Variants in EXOC4 observed in about 807,000 individuals in gnomAD.
EXOC4 encodes SEC8-like 1.
Under a neutral mutation model 107.2 loss-of-function variants are expected in EXOC4, and 71 were observed. The observed-to-expected ratio is 0.66, with a 90% CI of 0.55 to 0.81. EXOC4 has a LOEUF of 0.81. Among genes scored for constraint, EXOC4 ranks in the 30% least tolerant of loss-of-function variants. The probability of loss-of-function intolerance (pLI) is 0.00; values close to 1 mark genes in which losing one functional copy is unlikely to be tolerated. For synonymous variants in EXOC4, 456 were observed against 441.2 expected (o/e 1.03, Z -0.42); for missense variants, 1,108 against 1,189.6 (o/e 0.93, Z 1.01).
intron 5 of EXOC4, among the ~76,000 whole-genome samples, chr7:133,351,211 C>A (rs531133049): frequency 6.6e-6 from 1 of 152,126 alleles, no homozygotes; most frequent in South Asian, 2.1e-4. Flanking sequence ...CAGGGCAATG[C>A]TGGCCTCATA....
intron 9 of EXOC4, among the ~76,000 whole-genome samples, chr7:133,579,986 C>T (rs539845997): frequency 4.6e-5 from 7 of 152,180 alleles, no homozygotes; most frequent in Admixed American, 6.5e-5. Flanking sequence ...TGAGCCACTG[C>T]GCCCGGCCCA....
chr7:134,031,972 A>G (rs1440825791), intron 17 of EXOC4, among the ~76,000 whole-genome samples: 1 of 152,196 alleles, frequency 6.6e-6, no homozygotes, highest in East Asian at 1.9e-4. Context: ...GAGATTGTAA[A>G]TCATGACTCT....
At chr7:134,076,369 T>C in the EXOC4 span, among the ~76,000 whole-genome samples, 1 of 152,008 alleles carries the variant, frequency 6.6e-6, no homozygotes, top group South Asian at 2.1e-4. Flanking sequence ...TACAGAAAAA[T>C]TAGCTGGGCG....
At chr7:133,722,775 G>A (rs1795131684) in intron 10 of EXOC4, among the ~76,000 whole-genome samples, 2 of 152,094 alleles carry the variant, frequency 1.3e-5, no homozygotes, top group African/African-American at 4.8e-5. Context: ...ACTCCAAACT[G>A]CCCTAAATTG....
At chr7:133,343,514 C>T (rs1184468450) in intron 5 of EXOC4, among the ~76,000 whole-genome samples, 5 of 151,840 alleles carry the variant, frequency 3.3e-5, no homozygotes, top group Admixed American at 1.3e-4. Flanking sequence ...TGGGCTCAAG[C>T]GATCATCCCA....
chr7:133,694,019 A>C lies in EXOC4; in HGVS notation c.1514+63878A>C, dbSNP rs564064269. ...GGTGGCTCATGCCTGTAATCCCAGC[A>C]CTTTGGGAGGCCAAGGTGGGCGGAT... On this transcript the variant is annotated intron_variant, in intron 10 of 17. Coordinates refer to ENST00000253861, the MANE Select transcript of EXOC4 (RefSeq NM_021807.4). 2.0e-5 allele frequency among the ~76,000 whole-genome samples: 3 copies of C among 152,254 alleles called. No homozygotes were observed. In the South Asian group the frequency reaches 6.2e-4, roughly 32 times the overall value.
intron 10 of EXOC4, among the ~76,000 whole-genome samples, chr7:133,669,981 A>T (rs1304448112): frequency 2.6e-5 from 4 of 152,138 alleles, no homozygotes; most frequent in Non-Finnish European, 5.9e-5. Context: ...TTTCTTTTCA[A>T]AATTGAAGTT....
At chr7:133,515,140 C>T (rs1426199388) in intron 9 of EXOC4, among the ~76,000 whole-genome samples, 1 of 151,950 alleles carries the variant, frequency 6.6e-6, no homozygotes, top group African/African-American at 2.4e-5. Context: ...TATGGATTTA[C>T]TTGATTGTTT....
At chr7:133,485,611 A>G (rs1301624208) in intron 9 of EXOC4, among the ~76,000 whole-genome samples, 1 of 152,118 alleles carries the variant, frequency 6.6e-6, no homozygotes, top group Non-Finnish European at 1.5e-5. Flanking sequence ...TTTTCTTAAT[A>G]TGTACATGTC....
chr7:133,789,154 T>G (rs1306298242), intron 10 of EXOC4, among the ~76,000 whole-genome samples: 1 of 152,198 alleles, frequency 6.6e-6, no homozygotes, highest in Non-Finnish European at 1.5e-5. Flanking sequence ...AAGTTCCAAT[T>G]CTTCACCATG....
chr7:133,321,352 C>T (rs918404455), intron 5 of EXOC4, among the ~76,000 whole-genome samples: 2 of 151,882 alleles, frequency 1.3e-5, no homozygotes, highest in African/African-American at 4.8e-5. Flanking sequence ...TATACACGTG[C>T]CATGGTTTGC....
intron 9 of EXOC4, among the ~76,000 whole-genome samples, chr7:133,546,671 C>A (rs187533814): frequency 3.3e-5 from 5 of 152,124 alleles, no homozygotes; most frequent in African/African-American, 4.8e-5. Context: ...CCCTTTGCAG[C>A]CGGTCCATTT....
At chr7:133,593,892 T>G (rs959933637) in intron 9 of EXOC4, among the ~76,000 whole-genome samples, 4 of 152,338 alleles carry the variant, frequency 2.6e-5, no homozygotes, top group African/African-American at 9.6e-5. Context: ...AGTTTTGTAT[T>G]GGAACACACA....
intron 11 of EXOC4, among the ~76,000 whole-genome samples, chr7:133,862,218 G>A (rs1033813560): frequency 6.6e-6 from 1 of 150,476 alleles, no homozygotes; most frequent in Admixed American, 6.6e-5. Context: ...TAGGTCGGGC[G>A]TGGTGGTTCA....
intron 13 of EXOC4, among the ~76,000 whole-genome samples, chr7:133,919,471 A>G (rs963862726): frequency 5.3e-5 from 8 of 152,298 alleles, no homozygotes; most frequent in East Asian, 1.9e-4. Flanking sequence ...ATCCACCATT[A>G]TAGTATTATG....
intron 3 of EXOC4, among the ~76,000 whole-genome samples, chr7:133,300,758 A>G (rs767327306): frequency 1.3e-5 from 2 of 152,238 alleles, no homozygotes; most frequent in Non-Finnish European, 2.9e-5. Flanking sequence ...TCCCAGATCT[A>G]TCAAAGCTTT....
intron 7 of EXOC4, among the ~76,000 whole-genome samples, chr7:133,380,593 A>G (rs1298316308): frequency 1.3e-5 from 2 of 152,214 alleles, no homozygotes; most frequent in East Asian, 3.9e-4. Flanking sequence ...TTTATCATAG[A>G]TCTATGATCT....
chr7:133,338,478 A>G (rs1468072575), intron 5 of EXOC4, among the ~76,000 whole-genome samples: 1 of 148,520 alleles, frequency 6.7e-6, no homozygotes, highest in African/African-American at 2.5e-5. Flanking sequence ...CTGTAGTCCC[A>G]GCTACTCGGG....
chr7:133,958,441 C>T (rs1251531795), intron 14 of EXOC4, among the ~76,000 whole-genome samples: 2 of 152,146 alleles, frequency 1.3e-5, no homozygotes, highest in African/African-American at 4.8e-5. Context: ...CATTAACATA[C>T]ATATTTAAAG....
Sources: allele counts gnomAD v4.1 joint callset (sites outside exome capture counted in the v4.1 genomes callset), GRCh38; gene constraint gnomAD v4.1.1; transcripts MANE v1.5; gene names NCBI Gene and HGNC (gene_info 2026-07-23, HGNC 2026-07-21).